HSPA12A: variants seen among roughly 807,000 people sequenced by gnomAD.
HSPA12A encodes the protein heat shock 70 kDa protein 12A.
Under a neutral mutation model 69.2 loss-of-function variants are expected in HSPA12A, and 28 were observed. The ratio of observed to expected loss-of-function variants is 0.40; its 90% confidence interval spans 0.30 to 0.55. The LOEUF (loss-of-function observed/expected upper bound fraction) is 0.55. Ranked by LOEUF, HSPA12A falls within the 20% of genes least tolerant of loss-of-function variation. The probability of loss-of-function intolerance (pLI) is 0.38; values close to 1 mark genes in which losing one functional copy is unlikely to be tolerated. For missense variants in HSPA12A, 686 were observed against 900.7 expected (o/e 0.76, Z 3.05); for synonymous variants, 345 against 370.5 (o/e 0.93, Z 0.79).
At chr10:116,682,083 C>T (rs568488672) in intron 7 of HSPA12A, among the ~76,000 whole-genome samples, 34 of 152,316 alleles carry the variant, frequency 2.2e-4, no homozygotes, top group Admixed American at 3.9e-4. Flanking sequence ...CTCTATTCCT[C>T]GGCTTAGCCT....
intron 2 of HSPA12A, among the ~76,000 whole-genome samples, chr10:116,764,300 T>C (rs1844032469): frequency 6.6e-6 from 1 of 152,218 alleles, no homozygotes. Flanking sequence ...GTAGGCTGAA[T>C]TGTGATTGCA....
At chr10:116,694,560 G>C (rs1554880519) in intron 5 of HSPA12A, among the ~76,000 whole-genome samples, 1 of 151,858 alleles carries the variant, frequency 6.6e-6, no homozygotes, top group Non-Finnish European at 1.5e-5. Flanking sequence ...CCCCTTCTGA[G>C]ATGGGCTGCT....
rs1443706600 is a variant in HSPA12A at position 116,723,799 on chromosome 10, C to G, written c.41-16514G>C. ...CAGCCTCTCCACCCGTTCCTTAGAT[C>G]CCGGCTGCTTCCAGTACCGAGCCAC... is the stretch of plus-strand genomic sequence containing the variant. On this transcript the variant is annotated intron_variant, in intron 1 of 11. Coordinates refer to ENST00000369209, the MANE Select transcript of HSPA12A (RefSeq NM_025015.3). The surrounding 1 kb of genome is among the most constrained non-coding windows in gnomAD (Gnocchi z 4.1). 6.6e-6 allele frequency among the ~76,000 whole-genome samples: 1 copy of G among 152,214 alleles called. No individual in the cohort carries two copies. The highest frequency in any genetic ancestry group is 1.5e-5 in the Non-Finnish European group (1 of 68,038).
intron 2 of HSPA12A, among the ~76,000 whole-genome samples, chr10:116,777,890 G>A (rs1392378286): frequency 1.3e-5 from 2 of 152,160 alleles, no homozygotes; most frequent in African/African-American, 2.4e-5. Flanking sequence ...AACATGCCCA[G>A]CTAATTTTTG....
chr10:116,711,760 T>TTCA (rs1554883122), intron 1 of HSPA12A, among the ~76,000 whole-genome samples: 1 of 150,550 alleles, frequency 6.6e-6, no homozygotes, highest in Non-Finnish European at 1.5e-5. Flanking sequence ...ACCTCCCAGG[T>TTCA]TCACGACATT....
chr10:116,765,706 G>A (rs1454510771), intron 2 of HSPA12A, among the ~76,000 whole-genome samples: 1 of 152,102 alleles, frequency 6.6e-6, no homozygotes, highest in Non-Finnish European at 1.5e-5. Flanking sequence ...GGACACACCC[G>A]TTAGATGCTG....
intron 2 of HSPA12A, among the ~76,000 whole-genome samples, chr10:116,765,731 G>C (rs1368534127): frequency 6.6e-6 from 1 of 152,182 alleles, no homozygotes; most frequent in Non-Finnish European, 1.5e-5. Context: ...ACCTGCCATA[G>C]CCTGCTGTTC....
At chr10:116,814,674 C>G (rs1845262664) in intron 2 of HSPA12A, among the ~76,000 whole-genome samples, 1 of 152,202 alleles carries the variant, frequency 6.6e-6, no homozygotes, top group Admixed American at 6.5e-5. Flanking sequence ...CCAGACTAGA[C>G]AGCTCAGAGC....
At chr10:116,679,989 TTG>T (rs1849358588) in intron 9 of HSPA12A, among the ~76,000 whole-genome samples, 1 of 152,348 alleles carries the variant, frequency 6.6e-6, no homozygotes, top group East Asian at 1.9e-4. Flanking sequence ...TATTTTATTT[TTG>T]TGTTTTCTTT....
rs1374277604 is a variant in HSPA12A, at chr10:116,790,162, C to T, written c.91+44773G>A. Among the ~76,000 whole-genome samples the T allele has an allele frequency of 4.8e-5, 6 of 126,012 alleles. No homozygotes were observed. The East Asian group carries it at 7.7e-4, about 16-fold the overall frequency. 82.7% of individuals were successfully genotyped at this position (126,012 alleles called of 152,430 possible). ...TGTCGCCCAGGCCGGACTGCAGTGGCGGGATCTCGGCTCACTGCAGGCTCC... is the reference window on the plus strand; with the variant it reads ...TGTCGCCCAGGCCGGACTGCAGTGGTGGGATCTCGGCTCACTGCAGGCTCC... On this transcript the variant is annotated intron_variant, in intron 2 of 12. Transcript: ENST00000635765.
intron 2 of HSPA12A, among the ~76,000 whole-genome samples, chr10:116,759,027 A>C (rs1354995768): frequency 6.6e-6 from 1 of 152,172 alleles, no homozygotes; most frequent in African/African-American, 2.4e-5. Flanking sequence ...TTCTCTTTTG[A>C]TGGGAACTCA....
chr10:116,804,605 A>C (rs1194800252), intron 2 of HSPA12A, among the ~76,000 whole-genome samples: 1 of 152,060 alleles, frequency 6.6e-6, no homozygotes, highest in East Asian at 1.9e-4. Flanking sequence ...AGTGGGAGGA[A>C]ATGTTCCTGC....
chr10:116,732,732 C>T (rs74358193), intron 1 of HSPA12A, among the ~76,000 whole-genome samples: 3,497 of 152,284 alleles, frequency 0.023, 46 homozygotes, highest in East Asian at 0.046. Context: ...GTAACTCCTG[C>T]TGGAGGGACA....
chr10:116,692,276 C>T (rs1008886204), intron 6 of HSPA12A, 75 bp downstream of exon 6: 24 of 1,116,406 alleles, frequency 2.1e-5, no homozygotes, highest in African/African-American at 1.1e-4. Context: ...GGTACCTGGG[C>T]GGGGCTACAG....
In HSPA12A at chr10:116,686,840, G is replaced by A; in HGVS notation, c.664-2878C>T. ...ACCCCCACCCCTTCCCAAACCATAA[G>A]CTCCACCCCTCATCCCTCTTCCCAC... On this transcript the variant is annotated intron_variant, in intron 6 of 11. Coordinates refer to ENST00000369209, the MANE Select transcript of HSPA12A (RefSeq NM_025015.3). The surrounding 1 kb of genome is among the most constrained non-coding windows in gnomAD (Gnocchi z 4.1). 8.4e-6 allele frequency among the ~76,000 whole-genome samples: 1 copy of A among 118,840 alleles called. No homozygotes were observed. Among genetic ancestry groups the A allele is most frequent in the Non-Finnish European group, 1.7e-5 (1 of 58,254 alleles). The allele number at this position is 118,840 out of a possible 152,430, so 78.0% of individuals were successfully genotyped here.
intron 2 of HSPA12A, among the ~76,000 whole-genome samples, chr10:116,808,027 C>T (rs777803279): frequency 3.9e-5 from 6 of 152,190 alleles, no homozygotes; most frequent in Non-Finnish European, 8.8e-5. Context: ...TACAATGTCT[C>T]CAGGGTATAA....
At chr10:116,767,859 C>G (rs1554889934) in intron 2 of HSPA12A, among the ~76,000 whole-genome samples, 1 of 152,180 alleles carries the variant, frequency 6.6e-6, no homozygotes, top group Non-Finnish European at 1.5e-5. Flanking sequence ...CAGCCTCTTT[C>G]AAAAGGGAGT....
chr10:116,825,820 T>C (rs546006852), intron 2 of HSPA12A, among the ~76,000 whole-genome samples: 26 of 152,302 alleles, frequency 1.7e-4, no homozygotes, highest in African/African-American at 5.3e-4. Flanking sequence ...TTAAAAATCA[T>C]TGAATTATAC....
intron 1 of HSPA12A, among the ~76,000 whole-genome samples, chr10:116,740,278 G>T (rs1246325828): frequency 1.3e-5 from 2 of 152,194 alleles, no homozygotes; most frequent in Non-Finnish European, 2.9e-5. Flanking sequence ...GGTTTGTTGT[G>T]AGCCTTTAAA....
Sources: gnomAD v4.1 joint callset for allele counts (sites outside exome capture counted in the v4.1 genomes callset) on GRCh38, gnomAD v4.1.1 for gene constraint, Gnocchi (gnomAD v3.1) non-coding constraint, MANE v1.5 for transcripts, NCBI Gene and HGNC (gene_info 2026-07-23, HGNC 2026-07-21) for gene names.